Variants in PALLD observed in about 807,000 individuals in gnomAD.
The protein encoded by PALLD is palladin.
PALLD carries 61 observed loss-of-function variants against 123.5 expected under a neutral mutation model. The ratio of observed to expected loss-of-function variants is 0.49; its 90% CI spans 0.40 to 0.61. The LOEUF (loss-of-function observed/expected upper bound fraction) is 0.61. Ranked by LOEUF, PALLD falls within the 20% of genes least tolerant of loss-of-function variation. PALLD has a pLI of 0.00. For missense variants in PALLD, 1,273 were observed against 1,377.0 expected (o/e 0.92, Z 1.20); for synonymous variants, 465 against 496.4 (o/e 0.94, Z 0.84).
intron 14 of PALLD, among the ~76,000 whole-genome samples, chr4:168,900,884 T>C (rs1756367199): frequency 6.6e-6 from 1 of 152,232 alleles, no homozygotes; most frequent in Non-Finnish European, 1.5e-5. Flanking sequence ...ACTTCCAAGA[T>C]ATTCACAAGA....
chr4:168,865,113 G>A (rs369279094), intron 10 of PALLD, among the ~76,000 whole-genome samples: 42 of 152,256 alleles, frequency 2.8e-4, no homozygotes, highest in Admixed American at 2.2e-3. Flanking sequence ...ACTGCTGGAA[G>A]GACTGGTGCT....
intron 2 of PALLD, among the ~76,000 whole-genome samples, chr4:168,518,263 T>A (rs779121330): frequency 6.6e-6 from 1 of 152,214 alleles, no homozygotes; most frequent in Non-Finnish European, 1.5e-5. Context: ...CAAGCCACCA[T>A]CATCTGTCTC....
intron 2 of PALLD, among the ~76,000 whole-genome samples, chr4:168,611,395 A>G (rs558894508): frequency 5.3e-5 from 8 of 152,320 alleles, no homozygotes; most frequent in African/African-American, 1.7e-4. Context: ...CCTGTGAGCT[A>G]TGTTCCATCA....
chr4:168,785,288 C>T (rs1356408151), intron 10 of PALLD, among the ~76,000 whole-genome samples: 2 of 151,990 alleles, frequency 1.3e-5, no homozygotes, highest in Non-Finnish European at 2.9e-5. Flanking sequence ...TAAGGAGCTT[C>T]GCTGTTTGTT....
chr4:168,697,155 A>T (rs1783208413), intron 8 of PALLD, among the ~76,000 whole-genome samples: 2 of 152,272 alleles, frequency 1.3e-5, no homozygotes, highest in Admixed American at 6.5e-5. Context: ...ATGAAGCAAG[A>T]ACTTCAAAAT....
chr4:168,685,810 G>GAAAAAAAAAAAAAAAA (rs70961550), intron 6 of PALLD, among the ~76,000 whole-genome samples: 2 of 65,664 alleles, frequency 3.0e-5, no homozygotes, highest in South Asian at 7.3e-4. Context: ...AAGACAGATA[G>GAAAAAAAAAAAAAAAA]AAAAAAAAAA....
intron 2 of PALLD, among the ~76,000 whole-genome samples, chr4:168,543,456 C>A (rs189936764): frequency 6.6e-6 from 1 of 151,736 alleles, no homozygotes; most frequent in Non-Finnish European, 1.5e-5. Flanking sequence ...AACACAATCT[C>A]TGTAAGTTTT....
rs70961531 is a variant in PALLD at position 168,542,717 on chromosome 4, CATATATATATATATATAT to C, written c.908+30334_908+30351del. ...ACATGTTTCTCCCAGCTAACCTTTC[CATATATATATATATATAT>C]ATATATATATATATATATATATATA... On this transcript the variant is annotated intron_variant, in intron 2 of 21. Coordinates refer to ENST00000505667, the MANE Select transcript of PALLD (RefSeq NM_001166108.2). Among the ~76,000 whole-genome samples, 201 of 88,934 alleles carry C rather than the reference CATATATATATATATATAT, an allele frequency of 2.3e-3. 3 individuals are homozygous for C. Among genetic ancestry groups the C allele is most frequent in the African/African-American group, 4.0e-3 (68 of 16,876 alleles). The allele number at this position is 88,934 out of a possible 152,430, so 58.3% of individuals were successfully genotyped here. A position where few individuals can be genotyped will look rare whatever the true frequency, so the allele number is the denominator to read the frequency against.
At chr4:168,757,545 G>A (rs960459572) in intron 10 of PALLD, among the ~76,000 whole-genome samples, 2 of 152,218 alleles carry the variant, frequency 1.3e-5, no homozygotes, top group African/African-American at 4.8e-5. Context: ...CCATTTCTGT[G>A]ATTCAAATGA....
chr4:168,725,699 T>G (rs1270611620), intron 10 of PALLD, among the ~76,000 whole-genome samples: 1 of 151,940 alleles, frequency 6.6e-6, no homozygotes, highest in Non-Finnish European at 1.5e-5. Context: ...GCTAATTTTT[T>G]GTATTTTTAG....
intron 10 of PALLD, among the ~76,000 whole-genome samples, chr4:168,768,866 T>C (rs1455517310): frequency 6.8e-6 from 1 of 147,022 alleles, no homozygotes; most frequent in East Asian, 2.0e-4. Context: ...AGAGATGGGA[T>C]TTCACCATTT....
chr4:168,540,226 C>T (rs1765485052), intron 2 of PALLD, among the ~76,000 whole-genome samples: 2 of 152,168 alleles, frequency 1.3e-5, no homozygotes, highest in Non-Finnish European at 2.9e-5. Context: ...CCATAGTCGT[C>T]ATAGGCGACT....
At chr4:168,502,482 A>ATATAAT (rs1176022983) in intron 1 of PALLD, among the ~76,000 whole-genome samples, 1 of 152,354 alleles carries the variant, frequency 6.6e-6, no homozygotes, top group African/African-American at 2.4e-5. Flanking sequence ...AGACACAAAC[A>ATATAAT]GTTATGTGTT....
At position 168,866,710 on chromosome 4, in the gene PALLD, A is replaced by C. The variant is rs114556141; in HGVS notation, c.1965-24212A>C. On this transcript the variant is annotated intron_variant, in intron 10 of 21. Transcript: ENST00000505667. ...AAGCAAATTTAATTTCTTAGTTTCAAAGTCAGCTCCTCCAGGTTGCTTTGT... is the reference window on the plus strand; with the variant it reads ...AAGCAAATTTAATTTCTTAGTTTCACAGTCAGCTCCTCCAGGTTGCTTTGT... Among the ~76,000 whole-genome samples the C allele has an allele frequency of 2.3e-3, 350 of 152,342 alleles. 1 individual carries two copies. Among genetic ancestry groups the C allele is most frequent in the Admixed American group, 4.4e-3 (68 of 15,312 alleles).
At chr4:168,607,830 A>C (rs1773338333) in intron 2 of PALLD, among the ~76,000 whole-genome samples, 1 of 152,164 alleles carries the variant, frequency 6.6e-6, no homozygotes, top group Non-Finnish European at 1.5e-5. Context: ...AAAATAAAAG[A>C]GTATTATTAG....
intron 10 of PALLD, among the ~76,000 whole-genome samples, chr4:168,787,539 A>G (rs534401179): frequency 1.3e-5 from 2 of 152,228 alleles, no homozygotes; most frequent in South Asian, 2.1e-4. Flanking sequence ...CAGTTTCTCT[A>G]TAACTGTAGC....
At chr4:168,921,955 G>T (rs1761599628) in intron 18 of PALLD, among the ~76,000 whole-genome samples, 1 of 152,042 alleles carries the variant, frequency 6.6e-6, no homozygotes, top group Admixed American at 6.6e-5. Flanking sequence ...GAGAGAAAAA[G>T]ATTTTATTAG....
At chr4:168,529,957 T>A (rs1037182486) in intron 2 of PALLD, among the ~76,000 whole-genome samples, 2 of 152,210 alleles carry the variant, frequency 1.3e-5, no homozygotes, top group African/African-American at 4.8e-5. Context: ...ACTAATTTTA[T>A]GTTTCTCTAT....
At chr4:168,710,145 A>G (rs1784695483) in intron 9 of PALLD, among the ~76,000 whole-genome samples, 1 of 152,240 alleles carries the variant, frequency 6.6e-6, no homozygotes, top group Non-Finnish European at 1.5e-5. Flanking sequence ...GTCTGTATCA[A>G]TGATAGTATA....
Sources: gnomAD v4.1 joint callset for allele counts (sites outside exome capture counted in the v4.1 genomes callset) on GRCh38, gnomAD v4.1.1 for gene constraint, MANE v1.5 for transcripts, NCBI Gene and HGNC (gene_info 2026-07-23, HGNC 2026-07-21) for gene names.